Variants in ANKS1B observed in about 807,000 individuals in gnomAD.
ANKS1B encodes the protein ankyrin repeat and sterile alpha motif domain containing 1B, also known as ankyrin repeat and sterile alpha motif domain-containing protein 1B.
Under a neutral mutation model 148.3 loss-of-function variants are expected in ANKS1B, and 36 were observed. The ratio of observed to expected loss-of-function variants is 0.24; its 90% CI spans 0.19 to 0.32. The LOEUF is 0.32. ANKS1B is among the 10% of genes least tolerant of loss of function. ANKS1B has a pLI of 1.00. For missense variants in ANKS1B, 1,157 were observed against 1,542.6 expected, an observed-to-expected ratio of 0.75 and a Z score of 4.19; for synonymous variants, 542 against 560.8, an observed-to-expected ratio of 0.97 and a Z score of 0.47.
At chr12:98,883,075 G>A (rs2099717329) in intron 17 of ANKS1B, among the ~76,000 whole-genome samples, 1 of 152,108 alleles carries the variant, frequency 6.6e-6, no homozygotes, top group African/African-American at 2.4e-5. Context: ...TTATTGAAAG[G>A]GTGATGCTTA....
At chr12:99,087,797 A>G (rs534758717) in intron 15 of ANKS1B, among the ~76,000 whole-genome samples, 2 of 152,342 alleles carry the variant, frequency 1.3e-5, no homozygotes, top group African/African-American at 4.8e-5. Context: ...CGAATATCCC[A>G]TAGTGTGCAT....
chr12:99,520,017 T>C (rs1036854889), intron 9 of ANKS1B, among the ~76,000 whole-genome samples: 1 of 152,208 alleles, frequency 6.6e-6, no homozygotes, highest in African/African-American at 2.4e-5. Context: ...TATTATTGTA[T>C]TGTGTATGTC....
At chr12:99,015,446 T>A (rs2099941887) in intron 17 of ANKS1B, among the ~76,000 whole-genome samples, 1 of 152,160 alleles carries the variant, frequency 6.6e-6, no homozygotes, top group African/African-American at 2.4e-5. Flanking sequence ...TGAAATAATC[T>A]GTATGATAAC....
chr12:99,199,583 T>C (rs2081808956), intron 14 of ANKS1B, among the ~76,000 whole-genome samples: 1 of 152,172 alleles, frequency 6.6e-6, no homozygotes, highest in African/African-American at 2.4e-5. Flanking sequence ...TTTTCTACTA[T>C]TGAGGCACCT....
chr12:99,134,643 TCTCACA>T (rs879498708), intron 15 of ANKS1B, among the ~76,000 whole-genome samples: 1,449 of 82,748 alleles, frequency 0.018, 9 homozygotes, highest in Middle Eastern at 0.04. Flanking sequence ...TCTCTCTCTC[TCTCACA>T]CACACACACA....
At position 99,244,332 on chromosome 12, in the gene ANKS1B, G is replaced by T. The variant is rs769552899; in HGVS notation, c.2419+10C>A. The T allele has an allele frequency of 5.7e-6, 9 of 1,589,246 alleles. No homozygotes were observed. In the Admixed American group the frequency reaches 1.6e-4, roughly 28 times the overall value. On this transcript the variant is annotated intron_variant, in intron 14 of 26. Coordinates refer to ENST00000683438, the MANE Select transcript of ANKS1B (RefSeq NM_001352186.2). ...TTTATTCATTATAATGTAGAGGAAG[G>T]TTGCCTTACTTGTGGTCTCACCATT...
chr12:99,299,602 T>G (rs541772708), intron 12 of ANKS1B, among the ~76,000 whole-genome samples: 1 of 152,192 alleles, frequency 6.6e-6, no homozygotes, highest in Non-Finnish European at 1.5e-5. Context: ...GTGTTTGTGG[T>G]TGCTGTTGTA....
At chr12:99,721,607 T>C (rs1380880529) in intron 8 of ANKS1B, among the ~76,000 whole-genome samples, 1 of 152,202 alleles carries the variant, frequency 6.6e-6, no homozygotes, top group Non-Finnish European at 1.5e-5. Flanking sequence ...CCAAATCTTA[T>C]AAAACGGCCC....
At chr12:98,742,866 G>A (rs575209511), downstream of ANKS1B, among the ~76,000 whole-genome samples, 1 of 152,350 alleles carries the variant, frequency 6.6e-6, no homozygotes, top group South Asian at 2.1e-4. Context: ...GGAATATGGG[G>A]TGGGCCAGTG....
At chr12:99,240,268 T>C (rs2089005445) in intron 14 of ANKS1B, among the ~76,000 whole-genome samples, 1 of 152,266 alleles carries the variant, frequency 6.6e-6, no homozygotes, top group South Asian at 2.1e-4. Context: ...GCAATCCTAG[T>C]CTCTGATAAA....
At chr12:99,600,712 T>G (rs1238016870) in intron 9 of ANKS1B, among the ~76,000 whole-genome samples, 1 of 151,966 alleles carries the variant, frequency 6.6e-6, no homozygotes, top group Non-Finnish European at 1.5e-5. Context: ...CTTAACTGGG[T>G]CAAAAATTGC....
chr12:99,054,310 G>C (rs116267013), intron 16 of ANKS1B, among the ~76,000 whole-genome samples: 5 of 152,272 alleles, frequency 3.3e-5, no homozygotes, highest in Admixed American at 1.3e-4. Context: ...GATTCAAAGA[G>C]ATAAATATTA....
At chr12:99,772,264 C>T (rs1265080672) in intron 8 of ANKS1B, among the ~76,000 whole-genome samples, 1 of 152,078 alleles carries the variant, frequency 6.6e-6, no homozygotes, top group Non-Finnish European at 1.5e-5. Flanking sequence ...TCTTTGTAAA[C>T]TCTCATTCCT....
intron 10 of ANKS1B, among the ~76,000 whole-genome samples, chr12:99,475,760 G>T (rs2096309090): frequency 6.6e-6 from 1 of 151,700 alleles, no homozygotes. Context: ...TACAGCTACT[G>T]TAATTACATT....
intron 3 of ANKS1B, 89 bp from the exon 4 acceptor site, chr12:99,806,789 T>A: frequency 8.4e-7 from 1 of 1,190,966 alleles, no homozygotes; most frequent in East Asian, 2.4e-5. Flanking sequence ...CTGCAATGCT[T>A]TGAAATGTAA....
chr12:99,901,634 C>T (rs2093604698), intron 1 of ANKS1B, among the ~76,000 whole-genome samples: 2 of 152,166 alleles, frequency 1.3e-5, no homozygotes, highest in Non-Finnish European at 2.9e-5. Context: ...ATTCTCAGTC[C>T]ATGTAGACTG....
chr12:99,758,110 C>T (rs1175225544), intron 8 of ANKS1B, among the ~76,000 whole-genome samples: 1 of 151,826 alleles, frequency 6.6e-6, no homozygotes, highest in African/African-American at 2.4e-5. Context: ...AAGTAAGGCT[C>T]TCATTGATTT....
intron 1 of ANKS1B, among the ~76,000 whole-genome samples, chr12:99,847,113 T>C (rs1372720586): frequency 1.3e-5 from 2 of 151,864 alleles, no homozygotes; most frequent in Admixed American, 1.3e-4. Context: ...TTCTTTCTTT[T>C]TTTTTTTTCT....
At chr12:98,737,979 T>G (rs1034271049) in intron 9 of ANKS1B, among the ~76,000 whole-genome samples, 4 of 152,178 alleles carry the variant, frequency 2.6e-5, no homozygotes, top group Admixed American at 2.6e-4. Context: ...TCATAACCAC[T>G]CCCCTTGGGA....
Sources: gnomAD v4.1 joint callset for allele counts (sites outside exome capture counted in the v4.1 genomes callset) on GRCh38, gnomAD v4.1.1 for gene constraint, MANE v1.5 for transcripts, NCBI Gene and HGNC (gene_info 2026-07-23, HGNC 2026-07-21) for gene names.